HDX: variants seen among roughly 807,000 people sequenced by gnomAD.
HDX encodes the protein chromosome X open reading frame 43.
Under a neutral mutation model 45.2 loss-of-function variants are expected in HDX, and 19 were observed. The observed-to-expected ratio is 0.42, with a 90% CI of 0.29 to 0.62. The LOEUF (loss-of-function observed/expected upper bound fraction) is 0.62. HDX is among the 20% of genes least tolerant of loss of function. The probability of loss-of-function intolerance (pLI) is 0.20; values close to 1 mark genes in which losing one functional copy is unlikely to be tolerated. For synonymous variants in HDX, 188 were observed against 172.8 expected (o/e 1.09, Z -0.69); for missense variants, 532 against 493.9 (o/e 1.08, Z -0.73).
In HDX at chrX:84,343,264, T is replaced by C. The variant is rs919613317; in HGVS notation, c.1660+986A>G. Among the ~76,000 whole-genome samples, 2 of 110,633 alleles carry C rather than the reference T, an allele frequency of 1.8e-5. 1 individual carries two copies. The highest frequency in any genetic ancestry group is 6.6e-5 in the African/African-American group (2 of 30,432). On this transcript the variant is annotated intron_variant, in intron 7 of 10. Transcript: ENST00000373177. ...ATTCTATATTTAAAATGAATGATTT[T>C]ATTTTGAGACAGGGTGTCACTCTGT...
At chrX:84,376,954 T>C (rs2038072710) in intron 5 of HDX, among the ~76,000 whole-genome samples, 1 of 111,853 alleles carries the variant, frequency 8.9e-6, no homozygotes, top group Non-Finnish European at 1.9e-5. Flanking sequence ...AGACCACATG[T>C]TGTGCTAGCT....
At chrX:84,349,403 ATGTGTGTG>A (rs58864600) in intron 6 of HDX, among the ~76,000 whole-genome samples, 2,504 of 68,450 alleles carry the variant, frequency 0.037, 105 homozygotes, top group Admixed American at 0.16. Context: ...ATATATATAT[ATGTGTGTG>A]TGTGTGTGTG....
chrX:84,462,572 G>A (rs1211921044), intron 4 of HDX, among the ~76,000 whole-genome samples: 2 of 111,201 alleles, frequency 1.8e-5, no homozygotes, highest in Non-Finnish European at 3.8e-5. Flanking sequence ...AAATACCAAT[G>A]TGGCAAATAA....
intron 4 of HDX, among the ~76,000 whole-genome samples, chrX:84,451,683 A>G (rs1307014524): frequency 9.0e-6 from 1 of 111,089 alleles, no homozygotes; most frequent in African/African-American, 3.3e-5. Context: ...ATATAAGGCC[A>G]GCATTACCCT....
At chrX:84,322,928 A>G (rs2036626852) in intron 10 of HDX, among the ~76,000 whole-genome samples, 1 of 110,956 alleles carries the variant, frequency 9.0e-6, no homozygotes, top group South Asian at 3.7e-4. Flanking sequence ...GCAGTGGTAA[A>G]TAAAGACCAA....
chrX:84,403,102 G>C (rs1181354389), intron 5 of HDX, among the ~76,000 whole-genome samples: 2 of 110,289 alleles, frequency 1.8e-5, no homozygotes, highest in Non-Finnish European at 3.8e-5. Context: ...TTACAACTTT[G>C]GGGGAAAAAA....
chrX:84,473,472 A>G (rs1307404178), intron 3 of HDX, among the ~76,000 whole-genome samples: 5 of 110,586 alleles, frequency 4.5e-5, no homozygotes, highest in Non-Finnish European at 9.5e-5. Context: ...TACAATTTAC[A>G]TTGGAATGGA....
chrX:84,387,579 C>T (rs1459443455), intron 5 of HDX, among the ~76,000 whole-genome samples: 2 of 111,870 alleles, frequency 1.8e-5, no homozygotes, highest in African/African-American at 6.5e-5. Flanking sequence ...TTATGCCCAT[C>T]ATTGTCTTTC....
chrX:84,462,033 G>A (rs1452022930), intron 4 of HDX, among the ~76,000 whole-genome samples: 2 of 112,040 alleles, frequency 1.8e-5, no homozygotes, highest in Non-Finnish European at 3.8e-5. Context: ...TGCTGGTGAA[G>A]ATGTAGAGAA....
chrX:84,446,822 C>T (rs922532359), intron 4 of HDX, among the ~76,000 whole-genome samples: 4 of 112,312 alleles, frequency 3.6e-5, no homozygotes, highest in South Asian at 3.7e-4. Flanking sequence ...CCTTGTTGCA[C>T]CCTTTCCTGG....
At chrX:84,396,280 G>A (rs1333891423) in intron 5 of HDX, among the ~76,000 whole-genome samples, 2 of 112,115 alleles carry the variant, frequency 1.8e-5, no homozygotes, top group South Asian at 7.4e-4. Flanking sequence ...TTGATTCTGG[G>A]TGCATGCAGT....
chrX:84,349,647 TA>T (rs912180322), intron 6 of HDX, among the ~76,000 whole-genome samples: 1 of 85,603 alleles, frequency 1.2e-5, no homozygotes, highest in African/African-American at 4.5e-5. Flanking sequence ...CCCTAACCCC[TA>T]ACCCCCTTAA....
chrX:84,433,456 C>A (rs1337045033), intron 5 of HDX, among the ~76,000 whole-genome samples: 2 of 111,568 alleles, frequency 1.8e-5, no homozygotes, highest in African/African-American at 3.3e-5. Context: ...CTTCTCCCAG[C>A]GAGTGCTCTT....
intron 4 of HDX, 57 bp from the exon 5 acceptor site, chrX:84,440,642 T>G: frequency 1.4e-6 from 1 of 722,175 alleles, no homozygotes; most frequent in African/African-American, 2.1e-5. Context: ...ACTTGGAATG[T>G]TGATCAACAC....
chrX:84,499,559 A>G (rs1174571049), intron 1 of HDX, among the ~76,000 whole-genome samples: 2 of 111,868 alleles, frequency 1.8e-5, no homozygotes, highest in Non-Finnish European at 3.8e-5. Context: ...GAAAAGGTCA[A>G]AGGATTTTCC....
intron 2 of HDX, among the ~76,000 whole-genome samples, chrX:84,477,137 G>A (rs1225174046): frequency 9.0e-6 from 1 of 111,594 alleles, no homozygotes; most frequent in Admixed American, 9.5e-5. Flanking sequence ...GCAGTCAGGA[G>A]AAGAGCCAGA....
At chrX:84,417,224 GAAA>G (rs1181124067) in intron 5 of HDX, among the ~76,000 whole-genome samples, 1 of 109,012 alleles carries the variant, frequency 9.2e-6, no homozygotes, top group Non-Finnish European at 1.9e-5. Context: ...AAGAGAGAAA[GAAA>G]GAAAGAAAGA....
In HDX at chrX:84,419,223, G is replaced by A. The variant is rs147592920; in HGVS notation, c.1305+21309C>T. Among the ~76,000 whole-genome samples, 332 of 110,792 alleles carry A rather than the reference G, an allele frequency of 3.0e-3. 1 individual carries two copies. Among genetic ancestry groups the A allele is most frequent in the African/African-American group, 0.01 (319 of 30,455 alleles). ...TGGCAACAGGCAGGTTGAGCATCAG[G>A]CGGGTTCTTGGGGTCCATGATTCCA... On this transcript the variant is annotated intron_variant, in intron 5 of 10. Transcript: ENST00000373177.
intron 6 of HDX, among the ~76,000 whole-genome samples, chrX:84,357,744 G>C (rs1034778073): frequency 1.8e-5 from 2 of 112,360 alleles, no homozygotes; most frequent in African/African-American, 6.5e-5. Flanking sequence ...TCACCTTCCA[G>C]AATAATAGAA....
Sources: gnomAD v4.1 joint callset for allele counts (sites outside exome capture counted in the v4.1 genomes callset) on GRCh38, gnomAD v4.1.1 for gene constraint, MANE v1.5 for transcripts, NCBI Gene and HGNC (gene_info 2026-07-23, HGNC 2026-07-21) for gene names.